Variants in SMC6 observed in about 807,000 individuals in gnomAD.
SMC6 encodes the protein structural maintenance of chromosomes protein 6.
Under a neutral mutation model 142.2 loss-of-function variants are expected in SMC6, and 79 were observed. The observed-to-expected ratio is 0.56, with a 90% CI of 0.46 to 0.67. The LOEUF (loss-of-function observed/expected upper bound fraction) is 0.67. Among genes scored for constraint, SMC6 ranks in the 30% least tolerant of loss-of-function variants. The pLI is 0.00. For synonymous variants in SMC6, 411 were observed against 412.4 expected (o/e 1.00, Z 0.04); for missense variants, 1,072 against 1,284.0 (o/e 0.83, Z 2.52).
At chr2:17,750,147 G>A (rs935305747) in intron 2 of SMC6, among the ~76,000 whole-genome samples, 1 of 152,160 alleles carries the variant, frequency 6.6e-6, no homozygotes, top group African/African-American at 2.4e-5. Flanking sequence ...AATAAAATCT[G>A]AACACTTAGA....
rs35604590 is a variant in SMC6 at position 17,695,153 on chromosome 2, T to C, written c.2677A>G (p.Arg893Gly). 5.6e-6 allele frequency: 9 copies of C among 1,612,890 alleles called. No individual in the cohort carries two copies. Among genetic ancestry groups the C allele is most frequent in the Non-Finnish European group, 7.6e-6 (9 of 1,179,638 alleles). The change falls in exon 23 of 28, where the codon AGG becomes GGG. Residue 893 changes from arginine to glycine, a missense_variant and splice_region_variant. Arg to Gly is a moderately radical substitution (Grantham distance 125, BLOSUM62 -2). Coordinates refer to ENST00000448223, the MANE Select transcript of SMC6 (RefSeq NM_001142286.2). The stretch of plus-strand genomic sequence containing the variant: ...GCAGAAAAGCTACCAGCTACTTACC[T>C]CATTATTTCCTCTCGATCTCCATGA... ...ASHGDREEIM[R>G]QYQEARETYL...
chr2:17,689,902 C>T (rs191693509), intron 23 of SMC6, among the ~76,000 whole-genome samples: 5 of 151,940 alleles, frequency 3.3e-5, no homozygotes, highest in African/African-American at 1.2e-4. Flanking sequence ...GTTTTTTCCC[C>T]CAGTCTTTTC....
At chr2:17,714,467 CT>C (rs1017606941) in intron 16 of SMC6, among the ~76,000 whole-genome samples, 1 of 152,150 alleles carries the variant, frequency 6.6e-6, no homozygotes, top group Non-Finnish European at 1.5e-5. Flanking sequence ...CTTGAAAAGA[CT>C]TGTTAAGGTC....
chr2:17,701,123 A>C (rs1244679817), intron 20 of SMC6, among the ~76,000 whole-genome samples: 1 of 151,550 alleles, frequency 6.6e-6, no homozygotes, highest in African/African-American at 2.4e-5. Flanking sequence ...TAAAAAGCAG[A>C]AAGTGAAAAG....
chr2:17,680,742 T>C (rs1288854014), intron 24 of SMC6: 2 of 152,210 alleles, frequency 1.3e-5, no homozygotes, highest in African/African-American at 4.8e-5. Flanking sequence ...CAGTAATCCA[T>C]GATACTATAA....
chr2:17,714,839 T>C (rs753176175), intron 16 of SMC6, 22 bp downstream of exon 16: 1 of 1,606,334 alleles, frequency 6.2e-7, no homozygotes, highest in South Asian at 1.1e-5. Context: ...GCCAGAAACA[T>C]ATTCAATTAC....
chr2:17,699,366 C>G (rs1055433787), intron 21 of SMC6, among the ~76,000 whole-genome samples: 2 of 152,102 alleles, frequency 1.3e-5, no homozygotes, highest in Non-Finnish European at 2.9e-5. Context: ...CTCTTGCTAT[C>G]TGTAAGACCT....
At chr2:17,717,001 A>C (rs1669120678) in intron 13 of SMC6, 87 bp downstream of exon 13, 1 of 1,516,766 alleles carries the variant, frequency 6.6e-7, no homozygotes, top group African/African-American at 1.4e-5. Flanking sequence ...CATTAACAAC[A>C]ATACATAAAA....
At chr2:17,740,035 T>C (rs1269680865) in intron 4 of SMC6, among the ~76,000 whole-genome samples, 2 of 152,158 alleles carry the variant, frequency 1.3e-5, no homozygotes, top group African/African-American at 2.4e-5. Flanking sequence ...CACCACTGAT[T>C]AACCCAATTT....
At chr2:17,737,434 T>C (rs912118618) in intron 5 of SMC6, among the ~76,000 whole-genome samples, 1 of 152,140 alleles carries the variant, frequency 6.6e-6, no homozygotes, top group African/African-American at 2.4e-5. Context: ...ATGACAGCAT[T>C]TGGGGCATTT....
rs1482135631 is a variant in SMC6 at position 17,664,718 on chromosome 2, A to C, written c.*781T>G. ...TGCATGGCCTCAGGCTCCTGGAGCC[A>C]TGAGCTACTCTCCTGCTCCATGAGG... On this transcript the variant is annotated 3_prime_UTR_variant, in exon 28 of 28. Transcript: ENST00000448223. 6.6e-6 allele frequency: 1 copy of C among 152,180 alleles called. No individual in the cohort carries two copies. The highest frequency in any genetic ancestry group is 1.5e-5 in the Non-Finnish European group (1 of 68,058). 9.4% of individuals were successfully genotyped at this position (152,180 alleles called of 1,614,324 possible). A position where few individuals can be genotyped will look rare whatever the true frequency, so the allele number is the denominator to read the frequency against.
intron 25 of SMC6, among the ~76,000 whole-genome samples, chr2:17,676,039 T>C (rs1666983313): frequency 6.6e-6 from 1 of 152,174 alleles, no homozygotes; most frequent in South Asian, 2.1e-4. Context: ...CAGTGTTTTC[T>C]GTTTTTATGC....
At position 17,703,268 on chromosome 2, in the gene SMC6, A is replaced by C. The variant is rs1384932793; in HGVS notation, c.2031T>G (p.Asn677Lys). 3 of 1,603,532 alleles carry C rather than the reference A, an allele frequency of 1.9e-6. No individual in the cohort carries two copies. Among genetic ancestry groups the C allele is most frequent in the East Asian group, 4.5e-5 (2 of 44,652 alleles). ...EISDLENEVE[N>K]KTAQILNLQQ... Reference sequence around the variant, plus strand: ...GAAGATTTAATATCTGGGCCGTCTTATTTTCAACCTCATTCTCCAAGTCAC... The same window carrying C: ...GAAGATTTAATATCTGGGCCGTCTTCTTTTCAACCTCATTCTCCAAGTCAC... The change falls in exon 19 of 28, where the codon AAT becomes AAG. Residue 677 changes from asparagine (N) to lysine (K), a missense_variant. Asn to Lys is a moderately conservative substitution (Grantham distance 94). Coordinates refer to ENST00000448223, the MANE Select transcript of SMC6 (RefSeq NM_001142286.2).
At chr2:17,713,955 A>G (rs1480840222) in intron 16 of SMC6, among the ~76,000 whole-genome samples, 1 of 152,220 alleles carries the variant, frequency 6.6e-6, no homozygotes, top group Non-Finnish European at 1.5e-5. Flanking sequence ...TACACACACT[A>G]ATTTACCAAA....
chr2:17,700,151 G>A, intron 21 of SMC6, 57 bp downstream of exon 21: 1 of 1,189,924 alleles, frequency 8.4e-7, no homozygotes, highest in Non-Finnish European at 1.2e-6. Flanking sequence ...TAGAGTACAT[G>A]TGGATATAAA....
chr2:17,742,874 A>G (rs1306510054), intron 3 of SMC6, among the ~76,000 whole-genome samples: 1 of 152,216 alleles, frequency 6.6e-6, no homozygotes, highest in Non-Finnish European at 1.5e-5. Context: ...TGACATTGAC[A>G]TAGTCAAAAT....
At chr2:17,698,152 G>C (rs1668098619) in intron 21 of SMC6, among the ~76,000 whole-genome samples, 1 of 151,954 alleles carries the variant, frequency 6.6e-6, no homozygotes, top group South Asian at 2.1e-4. Context: ...AATTGGGAGT[G>C]TCTGTTAATC....
chr2:17,671,328 T>C (rs1036001351), intron 25 of SMC6, among the ~76,000 whole-genome samples: 3 of 151,308 alleles, frequency 2.0e-5, no homozygotes, highest in Admixed American at 6.6e-5. Context: ...AAGAAATGCA[T>C]TGAAATATAT....
chr2:17,668,245 G>C (rs1022993767), intron 26 of SMC6, among the ~76,000 whole-genome samples: 1 of 152,186 alleles, frequency 6.6e-6, no homozygotes, highest in Non-Finnish European at 1.5e-5. Flanking sequence ...TGCATGGAAA[G>C]AATAATCATC....
Sources: gnomAD v4.1 joint callset for allele counts (sites outside exome capture counted in the v4.1 genomes callset) on GRCh38, gnomAD v4.1.1 for gene constraint, MANE v1.5 for transcripts, NCBI Gene and HGNC (gene_info 2026-07-23, HGNC 2026-07-21) for gene names.